The following SNTG2 variants were observed in gnomAD, a reference collection of about 807,000 sequenced individuals.
SNTG2 encodes syntrophin gamma 2.
A neutral mutation model predicts 70.9 loss-of-function variants in SNTG2; 74 were observed. That is an observed-to-expected ratio of 1.04 (90% CI 0.86 to 1.27). SNTG2 has a LOEUF of 1.27. SNTG2 is among the 50% of genes most tolerant of loss of function. The pLI is 0.00. For missense variants in SNTG2, 717 were observed against 690.7 expected (o/e 1.04, Z -0.43); for synonymous variants, 278 against 273.8 (o/e 1.02, Z -0.15).
rs540210190 is a variant in SNTG2, at chr2:1,197,702, T to A, written c.592-11401T>A. Among the ~76,000 whole-genome samples the A allele has an allele frequency of 5.9e-5, 9 of 151,834 alleles. No individual in the cohort carries two copies. In the East Asian group the frequency reaches 1.8e-3, roughly 30 times the overall value. On this transcript the variant is annotated intron_variant, in intron 8 of 16. Coordinates refer to ENST00000308624, the MANE Select transcript of SNTG2 (RefSeq NM_018968.4). ...GGCATGCATCATCATGCCCAGCTAA[T>A]TTTTGTACTTTGGTAGGGATGAAGT...
At chr2:987,517 C>T (rs1021260560) in intron 1 of SNTG2, among the ~76,000 whole-genome samples, 3 of 151,814 alleles carry the variant, frequency 2.0e-5, no homozygotes, top group Admixed American at 6.6e-5. Flanking sequence ...AGGAGAGGTT[C>T]GCGGTTAAGT....
chr2:1,295,854 G>A lies in SNTG2; in HGVS notation c.1285-12640G>A, dbSNP rs1195611292. The stretch of plus-strand genomic sequence containing the variant: ...GGCCGAGTCTCCTATGTTGGGGTAG[G>A]AGGAGCAGGCAGACGTCACCATCAA... On this transcript the variant is annotated intron_variant, in intron 14 of 16. Transcript: ENST00000308624. 8.6e-5 allele frequency among the ~76,000 whole-genome samples: 13 copies of A among 151,874 alleles called. No homozygotes were observed. The South Asian group carries it at 2.7e-3, about 32-fold the overall frequency.
chr2:1,222,005 C>CTCTCTG lies in SNTG2; in HGVS notation c.719+12781_719+12786dup, dbSNP rs1249008217. ...TCTCTCTCTGTCTCTGTCTCTGTCT[C>CTCTCTG]TCTCTGTCTCTCTCTGTCTCTGCCT... On this transcript the variant is annotated intron_variant, in intron 9 of 16. Transcript: ENST00000308624. Among the ~76,000 whole-genome samples, 4 of 15,048 alleles carry CTCTCTG rather than the reference C, an allele frequency of 2.7e-4. 1 individual carries two copies. Among genetic ancestry groups the CTCTCTG allele is most frequent in the Admixed American group, 1.4e-3 (3 of 2,124 alleles). 9.9% of individuals were successfully genotyped at this position (15,048 alleles called of 152,430 possible).
intron 7 of SNTG2, among the ~76,000 whole-genome samples, chr2:1,168,449 C>A (rs1462700597): frequency 6.6e-6 from 1 of 152,206 alleles, no homozygotes; most frequent in East Asian, 1.9e-4. Context: ...CTCTATGGCA[C>A]CCCCGCCAGA....
At chr2:1,010,761 C>T (rs149323429) in intron 1 of SNTG2, among the ~76,000 whole-genome samples, 1 of 152,164 alleles carries the variant, frequency 6.6e-6, no homozygotes, top group African/African-American at 2.4e-5. Context: ...GGAGCCATTG[C>T]TGACAGGGCT....
intron 4 of SNTG2, among the ~76,000 whole-genome samples, chr2:1,119,728 A>T (rs995542033): frequency 2.0e-5 from 3 of 152,158 alleles, no homozygotes; most frequent in Non-Finnish European, 4.4e-5. Flanking sequence ...GAAAATTATC[A>T]CGTTACAAAG....
chr2:1,158,926 G>T (rs1467493668), intron 6 of SNTG2, among the ~76,000 whole-genome samples: 1 of 152,150 alleles, frequency 6.6e-6, no homozygotes, highest in Non-Finnish European at 1.5e-5. Flanking sequence ...CAACAGCAAG[G>T]TCTAATGCAA....
In SNTG2 at chr2:998,949, A is replaced by G. The variant is rs181276069; in HGVS notation, c.72+47881A>G. ...TTTCTAAGCCTATCAATGGACTTAT[A>G]AAGAGAAACCTCACAAACCAGAAGA... On this transcript the variant is annotated intron_variant, in intron 1 of 16. Coordinates refer to ENST00000308624, the MANE Select transcript of SNTG2 (RefSeq NM_018968.4). 2.0e-3 allele frequency among the ~76,000 whole-genome samples: 310 copies of G among 152,292 alleles called. 3 individuals are homozygous for G. Among genetic ancestry groups the G allele is most frequent in the African/African-American group, 7.2e-3 (300 of 41,584 alleles).
At chr2:1,062,403 A>G (rs1234482791) in intron 1 of SNTG2, among the ~76,000 whole-genome samples, 6 of 152,234 alleles carry the variant, frequency 3.9e-5, no homozygotes, top group African/African-American at 1.4e-4. Context: ...CTATATTATT[A>G]GAATTAGATT....
chr2:998,162 A>G (rs1661754131), intron 1 of SNTG2, among the ~76,000 whole-genome samples: 1 of 152,218 alleles, frequency 6.6e-6, no homozygotes, highest in Non-Finnish European at 1.5e-5. Context: ...AAATTCATCC[A>G]AATGAAAGTA....
intron 1 of SNTG2, among the ~76,000 whole-genome samples, chr2:1,008,495 C>G (rs1176194387): frequency 1.3e-5 from 2 of 152,154 alleles, no homozygotes; most frequent in Admixed American, 6.5e-5. Context: ...ATTTGGCCTT[C>G]TTACTGTGAA....
At chr2:979,820 C>T (rs1661041576) in intron 1 of SNTG2, among the ~76,000 whole-genome samples, 1 of 152,046 alleles carries the variant, frequency 6.6e-6, no homozygotes, top group Non-Finnish European at 1.5e-5. Flanking sequence ...CTTTCTAACA[C>T]ATTGAATGTC....
intron 1 of SNTG2, among the ~76,000 whole-genome samples, chr2:1,079,815 G>A (rs1396375768): frequency 6.6e-6 from 1 of 152,156 alleles, no homozygotes; most frequent in Non-Finnish European, 1.5e-5. Flanking sequence ...TCCTATGTGA[G>A]TGTGGACTTT....
rs1674821491 is a variant in SNTG2, at chr2:1,221,450, T to TCTCTGC, written c.719+12224_719+12225insGCCTCT. 4.9e-4 allele frequency among the ~76,000 whole-genome samples: 6 copies of TCTCTGC among 12,124 alleles called. 1 individual carries two copies. The highest frequency in any genetic ancestry group is 1.2e-3 in the African/African-American group (3 of 2,484). The allele number at this position is 12,124 out of a possible 152,430, so 8.0% of individuals were successfully genotyped here. On this transcript the variant is annotated intron_variant, in intron 9 of 16. Coordinates refer to ENST00000308624, the MANE Select transcript of SNTG2 (RefSeq NM_018968.4). ...CTGTCTCTCTCTGTCTCTGTCTCTG[T>TCTCTGC]CTCTCTCTGTCTCTGTCTCTCTGTC...
intron 6 of SNTG2, among the ~76,000 whole-genome samples, chr2:1,151,877 G>T (rs957854395): frequency 6.6e-6 from 1 of 152,132 alleles, no homozygotes. Context: ...CATAAATTGG[G>T]TTTTCAAGAG....
intron 16 of SNTG2, among the ~76,000 whole-genome samples, chr2:1,354,343 G>C (rs1315152796): frequency 1.4e-4 from 6 of 44,172 alleles, no homozygotes; most frequent in African/African-American, 3.4e-4. Flanking sequence ...GAAGACCCCG[G>C]GCTGGAGCTC....
At chr2:1,049,841 T>TG (rs1364943432) in intron 1 of SNTG2, among the ~76,000 whole-genome samples, 1 of 152,198 alleles carries the variant, frequency 6.6e-6, no homozygotes, top group Non-Finnish European at 1.5e-5. Context: ...CCCTTCTAAT[T>TG]GGTGTGTGCT....
At chr2:1,301,632 A>G (rs984302152) in intron 14 of SNTG2, among the ~76,000 whole-genome samples, 1 of 152,194 alleles carries the variant, frequency 6.6e-6, no homozygotes, top group African/African-American at 2.4e-5. Context: ...AAACGATTCA[A>G]ATTATAGTGG....
intron 16 of SNTG2, among the ~76,000 whole-genome samples, chr2:1,358,727 G>A (rs1191294337): frequency 6.6e-6 from 1 of 152,134 alleles, no homozygotes; most frequent in Non-Finnish European, 1.5e-5. Context: ...TAGGTATGAT[G>A]TCAGTCTTCT....
Sources: gnomAD v4.1 joint callset for allele counts (sites outside exome capture counted in the v4.1 genomes callset) on GRCh38, gnomAD v4.1.1 for gene constraint, MANE v1.5 for transcripts, NCBI Gene and HGNC (gene_info 2026-07-23, HGNC 2026-07-21) for gene names.